Variants in TTC28 observed in about 807,000 individuals in gnomAD.
TTC28 encodes the protein tetratricopeptide repeat domain 28.
Under a neutral mutation model 198.0 loss-of-function variants are expected in TTC28, and 61 were observed. That is an observed-to-expected ratio of 0.31 (90% CI 0.25 to 0.38). The LOEUF is 0.38. Among genes scored for constraint, TTC28 ranks in the 10% least tolerant of loss-of-function variants. The probability of loss-of-function intolerance (pLI) is 1.00; values close to 1 mark genes in which losing one functional copy is unlikely to be tolerated. For missense variants in TTC28, 2,678 were observed against 3,164.0 expected, an observed-to-expected ratio of 0.85 and a Z score of 3.69; for synonymous variants, 1,171 against 1,297.8, an observed-to-expected ratio of 0.90 and a Z score of 2.10.
At chr22:28,209,140 G>A (rs1317824395) in intron 5 of TTC28, among the ~76,000 whole-genome samples, 1 of 152,180 alleles carries the variant, frequency 6.6e-6, no homozygotes, top group Non-Finnish European at 1.5e-5. Flanking sequence ...AAAACTGGTT[G>A]TACTTCTCTG....
chr22:28,205,917 G>A (rs1164819561), intron 5 of TTC28, among the ~76,000 whole-genome samples: 1 of 151,572 alleles, frequency 6.6e-6, no homozygotes, highest in Non-Finnish European at 1.5e-5. Context: ...TTCACACTAA[G>A]GTTTAAGTAT....
At chr22:28,141,563 G>C (rs1313793451) in intron 6 of TTC28, among the ~76,000 whole-genome samples, 1 of 151,998 alleles carries the variant, frequency 6.6e-6, no homozygotes. Context: ...TATGATTATA[G>C]AATAAAGGTT....
At chr22:28,276,576 T>C (rs771545795) in intron 5 of TTC28, among the ~76,000 whole-genome samples, 1 of 152,126 alleles carries the variant, frequency 6.6e-6, no homozygotes, top group Non-Finnish European at 1.5e-5. Context: ...TAATCTCTAA[T>C]GGAAGAGATT....
intron 1 of TTC28, among the ~76,000 whole-genome samples, chr22:28,637,101 C>T (rs1328922350): frequency 2.0e-5 from 3 of 151,198 alleles, no homozygotes; most frequent in Admixed American, 1.3e-4. Context: ...CTCTGCCTCC[C>T]GGGTTCACAC....
At chr22:28,440,108 T>C (rs2047595082) in intron 2 of TTC28, among the ~76,000 whole-genome samples, 1 of 152,242 alleles carries the variant, frequency 6.6e-6, no homozygotes, top group Admixed American at 6.5e-5. Context: ...AGTGCTGGGA[T>C]TACAGGCGTG....
At chr22:28,232,329 T>C (rs1025703839) in intron 5 of TTC28, among the ~76,000 whole-genome samples, 1 of 152,186 alleles carries the variant, frequency 6.6e-6, no homozygotes, top group Non-Finnish European at 1.5e-5. Context: ...ATGTGGCTGT[T>C]AAGAGTGAAT....
intron 2 of TTC28, among the ~76,000 whole-genome samples, chr22:28,334,507 G>A (rs2045673992): frequency 6.6e-6 from 1 of 152,134 alleles, no homozygotes; most frequent in South Asian, 2.1e-4. Context: ...ATCCTCTCCA[G>A]CACCTGTTGT....
rs145367609 is a variant in TTC28 at position 28,101,606 on chromosome 22, T to C, written c.3308-326A>G. ...CAGCTCCTGATCCACCCACCTCAAG[T>C]GATCCACCCACCCCGGTCTCCTAAA... On this transcript the variant is annotated intron_variant, in intron 8 of 22. Transcript: ENST00000397906. 4.0e-3 allele frequency among the ~76,000 whole-genome samples: 611 copies of C among 151,824 alleles called. 1 individual carries two copies. Among genetic ancestry groups the C allele is most frequent in the Non-Finnish European group, 5.7e-3 (388 of 67,934 alleles).
chr22:28,587,977 T>C (rs1272864201), intron 2 of TTC28, among the ~76,000 whole-genome samples: 2 of 151,220 alleles, frequency 1.3e-5, no homozygotes, highest in Non-Finnish European at 3.0e-5. Context: ...CCGTCTCTAA[T>C]AAAAGTAGAA....
chr22:28,574,784 G>C (rs954029744), intron 2 of TTC28, among the ~76,000 whole-genome samples: 4 of 152,088 alleles, frequency 2.6e-5, no homozygotes, highest in Non-Finnish European at 5.9e-5. Flanking sequence ...CAATGATGTT[G>C]AACAGCTTCT....
chr22:28,456,872 C>T (rs563420873), intron 2 of TTC28, among the ~76,000 whole-genome samples: 3 of 152,302 alleles, frequency 2.0e-5, no homozygotes, highest in South Asian at 2.1e-4. Flanking sequence ...CCGCACCCGG[C>T]CCATAAATTT....
intron 1 of TTC28, among the ~76,000 whole-genome samples, chr22:28,671,264 T>A (rs547791082): frequency 6.6e-6 from 1 of 152,100 alleles, no homozygotes; most frequent in Non-Finnish European, 1.5e-5. Flanking sequence ...TTAAATTCGG[T>A]TGTCCTTTTA....
intron 10 of TTC28, among the ~76,000 whole-genome samples, chr22:28,096,887 C>T (rs1357449611): frequency 2.0e-5 from 3 of 151,906 alleles, no homozygotes; most frequent in Non-Finnish European, 4.4e-5. Context: ...TCACTGCAAT[C>T]TCCGCCCCCT....
intron 14 of TTC28, among the ~76,000 whole-genome samples, chr22:28,013,201 C>T (rs1421380639): frequency 1.2e-4 from 18 of 152,238 alleles, no homozygotes; most frequent in Admixed American, 1.2e-3. Context: ...GAAGAGAGAG[C>T]TGCTGAAGGC....
intron 1 of TTC28, among the ~76,000 whole-genome samples, chr22:28,669,971 CTATTA>C (rs1325920967): frequency 1.3e-5 from 2 of 150,046 alleles, no homozygotes; most frequent in Non-Finnish European, 2.9e-5. Context: ...AGTATATACT[CTATTA>C]TATGTATACA....
At chr22:27,993,984 C>T (rs1300705385) in intron 17 of TTC28, among the ~76,000 whole-genome samples, 1 of 152,226 alleles carries the variant, frequency 6.6e-6, no homozygotes, top group East Asian at 1.9e-4. Flanking sequence ...GCCTTGGTCC[C>T]TCCGCACTGG....
intron 2 of TTC28, among the ~76,000 whole-genome samples, chr22:28,333,665 T>C (rs996463182): frequency 4.3e-4 from 66 of 152,124 alleles, no homozygotes; most frequent in African/African-American, 1.5e-3. Flanking sequence ...ATTACACATT[T>C]CAGCTCCTCC....
At chr22:28,224,335 C>T (rs1928122169) in intron 5 of TTC28, among the ~76,000 whole-genome samples, 1 of 152,164 alleles carries the variant, frequency 6.6e-6, no homozygotes, top group African/African-American at 2.4e-5. Flanking sequence ...CCACAGAATA[C>T]CAAGGTTCCA....
intron 6 of TTC28, among the ~76,000 whole-genome samples, chr22:28,110,719 G>A (rs1349552319): frequency 6.6e-6 from 1 of 152,154 alleles, no homozygotes; most frequent in Non-Finnish European, 1.5e-5. Context: ...AGGATCGCTT[G>A]AGCTTAGGAG....
Sources: gnomAD v4.1 joint callset for allele counts (sites outside exome capture counted in the v4.1 genomes callset) on GRCh38, gnomAD v4.1.1 for gene constraint, MANE v1.5 for transcripts, NCBI Gene and HGNC (gene_info 2026-07-23, HGNC 2026-07-21) for gene names.